Variants in EPS15 observed in about 807,000 individuals in gnomAD.
The protein encoded by EPS15 is epidermal growth factor receptor pathway substrate 15.
EPS15 carries 72 observed loss-of-function variants against 113.8 expected under a neutral mutation model. The ratio of observed to expected loss-of-function variants is 0.63; its 90% CI spans 0.52 to 0.77. The LOEUF (loss-of-function observed/expected upper bound fraction) is 0.77, where lower values mean the gene tolerates loss of function less well. EPS15 is among the 30% of genes least tolerant of loss of function. EPS15 has a pLI of 0.00. For synonymous variants in EPS15, 344 were observed against 363.4 expected, an observed-to-expected ratio of 0.95 and a Z score of 0.61; for missense variants, 1,048 against 1,045.8, an observed-to-expected ratio of 1.00 and a Z score of -0.03.
intron 18 of EPS15, among the ~76,000 whole-genome samples, chr1:51,401,864 C>T (rs941912795): frequency 7.2e-5 from 11 of 152,120 alleles, no homozygotes; most frequent in Non-Finnish European, 1.2e-4. Flanking sequence ...TTAGGCCAGA[C>T]GCGGTGGCTC....
At chr1:51,436,889 C>G (rs1236229588) in intron 12 of EPS15, among the ~76,000 whole-genome samples, 2 of 152,074 alleles carry the variant, frequency 1.3e-5, no homozygotes, top group Admixed American at 6.5e-5. Context: ...TCATATCCTA[C>G]TAGATGTTCA....
chr1:51,503,049 A>C (rs1644440136), intron 1 of EPS15, among the ~76,000 whole-genome samples: 1 of 152,030 alleles, frequency 6.6e-6, no homozygotes, highest in South Asian at 2.1e-4. Flanking sequence ...AGCATCAAAC[A>C]GTTTTCTTAT....
intron 5 of EPS15, 58 bp from the exon 6 acceptor site, chr1:51,465,384 A>T: frequency 8.0e-7 from 1 of 1,252,858 alleles, no homozygotes; most frequent in Non-Finnish European, 1.1e-6. Flanking sequence ...GAAGCAATGA[A>T]GAAAAAATGG....
chr1:51,433,807 T>G (rs1169176111), intron 12 of EPS15, among the ~76,000 whole-genome samples: 7 of 152,192 alleles, frequency 4.6e-5, no homozygotes, highest in Non-Finnish European at 1.0e-4. Flanking sequence ...TGGCTTTAAC[T>G]TCCTGATGTT....
At chr1:51,377,013 C>A (rs766765720) in intron 21 of EPS15, among the ~76,000 whole-genome samples, 8 of 152,070 alleles carry the variant, frequency 5.3e-5, no homozygotes, top group Non-Finnish European at 1.0e-4. Context: ...CGCTTGTAAT[C>A]CCAGCACTTT....
intron 4 of EPS15, among the ~76,000 whole-genome samples, chr1:51,470,428 C>T (rs1655152098): frequency 6.6e-6 from 1 of 151,774 alleles, no homozygotes; most frequent in Non-Finnish European, 1.5e-5. Flanking sequence ...GTGGATCACT[C>T]GAGGTCAGGA....
intron 21 of EPS15, among the ~76,000 whole-genome samples, chr1:51,368,551 G>C (rs191962207): frequency 7.9e-5 from 12 of 151,774 alleles, no homozygotes; most frequent in African/African-American, 2.9e-4. Flanking sequence ...GTAGTTTCAG[G>C]GTTTCCCTTC....
At position 51,408,291 on chromosome 1, in the gene EPS15, C is replaced by G. The variant is rs1292272211; in HGVS notation, c.1317G>C (p.Gln439His). ...LKAELTSQESQISTYEEELAK... is the reference protein window; with the variant it reads ...LKAELTSQESHISTYEEELAK... ...CCAATTCTTCTTCGTAAGTGGAGAT[C>G]TGCGATTCCTGACTAGTTAATTCAG... Residue 439 changes from glutamine to histidine, a missense_variant, in exon 15 of 25, where the codon CAG becomes CAC. By Grantham distance (24) the Gln-to-His change is conservative. Coordinates refer to ENST00000371733, the MANE Select transcript of EPS15 (RefSeq NM_001981.3). 6 of 1,613,596 alleles carry G rather than the reference C, an allele frequency of 3.7e-6. No homozygotes were observed. Among genetic ancestry groups the G allele is most frequent in the Non-Finnish European group, 5.1e-6 (6 of 1,179,614 alleles).
intron 8 of EPS15, among the ~76,000 whole-genome samples, chr1:51,454,194 T>G (rs1270592718): frequency 6.6e-6 from 1 of 152,032 alleles, no homozygotes; most frequent in African/African-American, 2.4e-5. Flanking sequence ...CATCTCTAAG[T>G]GCCAAAAACT....
At chr1:51,398,255 G>A (rs945582780) in intron 20 of EPS15, among the ~76,000 whole-genome samples, 3 of 151,648 alleles carry the variant, frequency 2.0e-5, no homozygotes, top group Non-Finnish European at 4.4e-5. Flanking sequence ...AGTTTTCACC[G>A]TGTTAGCCAG....
At chr1:51,517,827 G>A (rs977582300) in intron 1 of EPS15, among the ~76,000 whole-genome samples, 2 of 152,112 alleles carry the variant, frequency 1.3e-5, no homozygotes, top group African/African-American at 4.8e-5. Context: ...GCAAACACGG[G>A]TTAGTTATTT....
intron 1 of EPS15, among the ~76,000 whole-genome samples, chr1:51,517,184 T>C (rs1382720896): frequency 6.6e-6 from 1 of 152,218 alleles, no homozygotes; most frequent in Non-Finnish European, 1.5e-5. Context: ...TAATCCCTCT[T>C]ATTGCCTCTT....
intron 21 of EPS15, among the ~76,000 whole-genome samples, chr1:51,376,200 T>C (rs750787417): frequency 2.6e-5 from 4 of 152,226 alleles, no homozygotes; most frequent in Non-Finnish European, 4.4e-5. Context: ...TTGAAGCCAA[T>C]GCTCATTGAC....
chr1:51,401,058 A>G (rs925130093), intron 18 of EPS15, 105 bp from the exon 19 acceptor site: 2 of 674,582 alleles, frequency 3.0e-6, no homozygotes, highest in Non-Finnish European at 5.1e-6. Context: ...AGTTTATTTC[A>G]ATAACTTCAC....
chr1:51,485,059 C>T lies in EPS15; in HGVS notation c.34-3745G>A, dbSNP rs75076629. 9.2e-4 allele frequency among the ~76,000 whole-genome samples: 140 copies of T among 152,280 alleles called. 1 individual carries two copies. Among genetic ancestry groups the T allele is most frequent in the African/African-American group, 3.3e-3 (139 of 41,548 alleles). On this transcript the variant is annotated intron_variant, in intron 1 of 24. Coordinates refer to ENST00000371733, the MANE Select transcript of EPS15 (RefSeq NM_001981.3). ...CACTGTATCCAATAAAAACTAAGCT[C>T]TAAATTTTCATTTCTCCAGAAAATA...
chr1:51,421,704 C>A, intron 13 of EPS15, 82 bp downstream of exon 13: 2 of 758,414 alleles, frequency 2.6e-6, no homozygotes, highest in Non-Finnish European at 4.0e-6. Flanking sequence ...ATACTACATC[C>A]AGCAAATAGT....
At chr1:51,400,413 G>A (rs1397071650) in intron 19 of EPS15, among the ~76,000 whole-genome samples, 2 of 151,986 alleles carry the variant, frequency 1.3e-5, no homozygotes, top group Non-Finnish European at 2.9e-5. Context: ...TAAAGCTATC[G>A]GGCACAGTCG....
intron 13 of EPS15, among the ~76,000 whole-genome samples, chr1:51,417,353 C>T (rs1225668567): frequency 2.0e-5 from 3 of 152,130 alleles, no homozygotes; most frequent in East Asian, 3.8e-4. Flanking sequence ...TCTTTTCTAC[C>T]TATGGGTTCC....
At chr1:51,447,543 G>A (rs931832845) in intron 9 of EPS15, among the ~76,000 whole-genome samples, 1 of 151,634 alleles carries the variant, frequency 6.6e-6, no homozygotes, top group Admixed American at 6.6e-5. Flanking sequence ...AATCTGACAA[G>A]AGGCAGGCTG....
Sources: allele counts gnomAD v4.1 joint callset (sites outside exome capture counted in the v4.1 genomes callset), GRCh38; gene constraint gnomAD v4.1.1; transcripts MANE v1.5; gene names NCBI Gene and HGNC (gene_info 2026-07-23, HGNC 2026-07-21).